The following CADM2 variants were observed in gnomAD, a reference collection of about 807,000 sequenced individuals.
CADM2 encodes cell adhesion molecule 2.
Under a neutral mutation model 49.8 loss-of-function variants are expected in CADM2, and 12 were observed. The ratio of observed to expected loss-of-function variants is 0.24; its 90% CI spans 0.15 to 0.39. The LOEUF is 0.39. Ranked by LOEUF, CADM2 falls within the 10% of genes least tolerant of loss-of-function variation. The pLI is 1.00. For missense variants in CADM2, 378 were observed against 492.3 expected, an observed-to-expected ratio of 0.77 and a Z score of 2.20; for synonymous variants, 214 against 175.4, an observed-to-expected ratio of 1.22 and a Z score of -1.74.
chr3:85,095,639 CA>C (rs2037766825), intron 1 of CADM2, among the ~76,000 whole-genome samples: 1 of 152,134 alleles, frequency 6.6e-6, no homozygotes. Flanking sequence ...TCCCTAAATA[CA>C]TATTAGTATA....
chr3:85,135,542 A>G lies in CADM2; in HGVS notation c.61+175874A>G, dbSNP rs991976716. 4.0e-4 allele frequency among the ~76,000 whole-genome samples: 61 copies of G among 152,234 alleles called. 1 individual carries two copies. Among genetic ancestry groups the G allele is most frequent in the Non-Finnish European group, 8.4e-4 (57 of 67,928 alleles). On this transcript the variant is annotated intron_variant, in intron 1 of 9. Transcript: ENST00000383699. Reference sequence around the variant, plus strand: ...AAGCACATATAGTACTCATCATTGTAATCAGAAATTACAGAAATCAGAATA... The same window carrying G: ...AAGCACATATAGTACTCATCATTGTGATCAGAAATTACAGAAATCAGAATA...
chr3:85,538,214 A>G (rs2061465372), intron 1 of CADM2, among the ~76,000 whole-genome samples: 1 of 152,152 alleles, frequency 6.6e-6, no homozygotes, highest in African/African-American at 2.4e-5. Flanking sequence ...GCCATGAGAC[A>G]CAATTCTAAT....
At chr3:85,052,816 C>A (rs554865501) in intron 1 of CADM2, among the ~76,000 whole-genome samples, 17 of 152,068 alleles carry the variant, frequency 1.1e-4, no homozygotes, top group South Asian at 4.1e-4. Flanking sequence ...ACAGCAATGT[C>A]TTTTATATTA....
intron 1 of CADM2, among the ~76,000 whole-genome samples, chr3:85,536,128 A>G (rs1237637457): frequency 6.6e-6 from 1 of 152,078 alleles, no homozygotes; most frequent in African/African-American, 2.4e-5. Context: ...AAATAAAGTC[A>G]TTGTGTGTTT....
At chr3:84,977,802 C>T (rs1559599088) in intron 1 of CADM2, among the ~76,000 whole-genome samples, 2 of 151,984 alleles carry the variant, frequency 1.3e-5, no homozygotes, top group Non-Finnish European at 2.9e-5. Flanking sequence ...TTGACGTCAA[C>T]GGAAAACAAC....
intron 1 of CADM2, among the ~76,000 whole-genome samples, chr3:85,306,290 TTTG>T (rs2044211093): frequency 6.6e-6 from 1 of 151,616 alleles, no homozygotes; most frequent in Admixed American, 6.6e-5. Flanking sequence ...AAATTGCAAA[TTTG>T]TTGTTAAGAA....
chr3:85,060,373 C>T lies in CADM2; in HGVS notation c.61+100705C>T, dbSNP rs140294907. Among the ~76,000 whole-genome samples the T allele has an allele frequency of 2.0e-4, 31 of 152,104 alleles. 1 individual carries two copies. The highest frequency in any genetic ancestry group is 1.2e-3 in the East Asian group (6 of 5,150). On this transcript the variant is annotated intron_variant, in intron 1 of 9. Transcript: ENST00000383699. ...AACTCCTGACCTCAGGTGATCCACC[C>T]GCCTCAATCTCCCAAATTGCTGGGA... is the stretch of plus-strand genomic sequence containing the variant.
intron 1 of CADM2, among the ~76,000 whole-genome samples, chr3:85,427,160 C>CTATATATATATA (rs35485915): frequency 1.8e-4 from 21 of 113,694 alleles, no homozygotes; most frequent in African/African-American, 3.4e-4. Context: ...TGTATTGGAA[C>CTATATATATATA]TATATATATA....
At chr3:85,761,738 G>A (rs953793301) in intron 2 of CADM2, among the ~76,000 whole-genome samples, 1 of 152,086 alleles carries the variant, frequency 6.6e-6, no homozygotes, top group African/African-American at 2.4e-5. Flanking sequence ...TCAACCATTG[G>A]GAAAAGAGAT....
chr3:85,146,856 T>C lies in CADM2; in HGVS notation c.61+187188T>C, dbSNP rs193053205. 1.7e-3 allele frequency among the ~76,000 whole-genome samples: 264 copies of C among 152,250 alleles called. 1 individual carries two copies. Among genetic ancestry groups the C allele is most frequent in the African/African-American group, 6.0e-3 (249 of 41,558 alleles). On this transcript the variant is annotated intron_variant, in intron 1 of 9. Coordinates refer to ENST00000383699, the MANE Select transcript of CADM2 (RefSeq NM_001167675.2). ...CATTTGCATGGGTTTGATTTTTGAG[T>C]TATTTCTTAAATGCGATCCTGCAAG...
intron 2 of CADM2, among the ~76,000 whole-genome samples, chr3:85,773,294 A>C (rs1411671166): frequency 1.3e-5 from 2 of 152,022 alleles, no homozygotes; most frequent in Non-Finnish European, 2.9e-5. Flanking sequence ...TTCCTTTGTC[A>C]TTTAGCCACA....
At chr3:85,876,379 G>A (rs1559715893) in intron 3 of CADM2, among the ~76,000 whole-genome samples, 2 of 152,072 alleles carry the variant, frequency 1.3e-5, no homozygotes, top group African/African-American at 4.8e-5. Context: ...GCTGAAGATT[G>A]ATAATCCGCA....
chr3:85,396,968 T>G (rs1331995142), intron 1 of CADM2, among the ~76,000 whole-genome samples: 7 of 151,930 alleles, frequency 4.6e-5, no homozygotes, highest in Admixed American at 2.6e-4. Context: ...AGAATGAAAG[T>G]ACAACCAAGG....
At chr3:84,987,820 C>T (rs1439210150) in intron 1 of CADM2, among the ~76,000 whole-genome samples, 1 of 152,150 alleles carries the variant, frequency 6.6e-6, no homozygotes, top group Non-Finnish European at 1.5e-5. Context: ...CCATGCAGTA[C>T]CTTGCCATCT....
chr3:85,444,473 G>A (rs559556320), intron 1 of CADM2, among the ~76,000 whole-genome samples: 1 of 145,754 alleles, frequency 6.9e-6, no homozygotes, highest in African/African-American at 2.6e-5. Flanking sequence ...ACACACCCTT[G>A]CCCCAAGCCT....
At chr3:85,415,591 A>T (rs2035883687) in intron 1 of CADM2, among the ~76,000 whole-genome samples, 1 of 152,144 alleles carries the variant, frequency 6.6e-6, no homozygotes, top group African/African-American at 2.4e-5. Flanking sequence ...TTGCATATGA[A>T]ATTAGCAGTA....
At chr3:85,376,738 A>G (rs180900727) in intron 1 of CADM2, among the ~76,000 whole-genome samples, 149 of 152,066 alleles carry the variant, frequency 9.8e-4, no homozygotes, top group African/African-American at 3.5e-3. Context: ...CAAAATTACA[A>G]CTCATGCTAT....
chr3:85,023,099 A>C (rs1173802004), intron 1 of CADM2, among the ~76,000 whole-genome samples: 1 of 152,168 alleles, frequency 6.6e-6, no homozygotes, highest in African/African-American at 2.4e-5. Flanking sequence ...AAAGAGTTTT[A>C]AGTGCATTAT....
At chr3:85,136,838 T>G (rs143553081) in intron 1 of CADM2, among the ~76,000 whole-genome samples, 23 of 152,108 alleles carry the variant, frequency 1.5e-4, no homozygotes, top group Non-Finnish European at 3.4e-4. Context: ...AAATATGCAT[T>G]TTAAACATAC....
Sources: allele counts gnomAD v4.1 joint callset (sites outside exome capture counted in the v4.1 genomes callset), GRCh38; gene constraint gnomAD v4.1.1; transcripts MANE v1.5; gene names NCBI Gene and HGNC (gene_info 2026-07-23, HGNC 2026-07-21).